The following EIF3F variants were observed in gnomAD, a reference collection of about 807,000 sequenced individuals.
EIF3F encodes the protein eukaryotic translation initiation factor 3 subunit F.
A neutral mutation model predicts 36.0 loss-of-function variants in EIF3F; 8 were observed. The observed-to-expected ratio is 0.22, with a 90% confidence interval of 0.13 to 0.40. The LOEUF is 0.40. Ranked by LOEUF, EIF3F falls within the 10% of genes least tolerant of loss-of-function variation. The pLI, the probability that EIF3F is intolerant of heterozygous loss-of-function variation, is 1.00. For missense variants in EIF3F, 430 were observed against 467.6 expected, an observed-to-expected ratio of 0.92 and a Z score of 0.74; for synonymous variants, 184 against 188.5, an observed-to-expected ratio of 0.98 and a Z score of 0.19.
Position 7,987,343 on chromosome 11 carries a change from T to A in EIF3F, c.-10T>A. The A allele has an allele frequency of 2.5e-6, 4 of 1,588,952 alleles. No individual in the cohort carries two copies. Among genetic ancestry groups the A allele is most frequent in the South Asian group, 2.2e-5 (2 of 90,174 alleles). On this transcript the variant is annotated 5_prime_UTR_variant, in exon 1 of 8. Transcript: ENST00000651655. The stretch of plus-strand genomic sequence containing the variant: ...TCATTTCCGCTTCCGCCTCCTTCTT[T>A]CTCGACAAGATGGCCACACCGGCGG...
chr11:7,995,052 A>G lies in EIF3F; in HGVS notation c.816A>G (p.Val272=), dbSNP rs374271988. Residue 272 remains valine, a synonymous_variant, in exon 6 of 8, where the codon GTA becomes GTG. Coordinates refer to ENST00000651655, the MANE Select transcript of EIF3F (RefSeq NM_003754.3). The part of the protein sequence containing the change: ...VIGLSSDLQQ[V]GGASARIQDA... ...GACTCTCAAGTGACTTGCAGCAAGT[A>G]GGAGGGGCATCAGCTCGCATCCAGG... 1.9e-6 allele frequency: 3 copies of G among 1,613,970 alleles called. No homozygotes were observed. Among genetic ancestry groups the G allele is most frequent in the South Asian group, 2.2e-5 (2 of 91,066 alleles).
exon 8 of EIF3F, chr11:8,001,838 TAAAAACATG>T (rs997203359): frequency 7.3e-5 from 11 of 151,320 alleles, no homozygotes; most frequent in East Asian, 7.7e-4. Flanking sequence ...TATAAAAATA[TAAAAACATG>T]AAAAACATGA....
chr11:7,991,053 G>T (rs1183384367), intron 1 of EIF3F, among the ~76,000 whole-genome samples: 1 of 151,804 alleles, frequency 6.6e-6, no homozygotes, highest in African/African-American at 2.4e-5. Context: ...AAATTAGCTG[G>T]GCGTGGTGAT....
chr11:7,999,144 C>T lies in EIF3F; in HGVS notation c.*3122C>T, dbSNP rs996005237. ...AATTAGCCAGGCGTGGTGGCACGCACCTGTAGTCCCAGCTACTTGGGAAGC... is the reference window on the plus strand; with the variant it reads ...AATTAGCCAGGCGTGGTGGCACGCATCTGTAGTCCCAGCTACTTGGGAAGC... On this transcript the variant is annotated 3_prime_UTR_variant, in exon 8 of 8. Coordinates refer to ENST00000651655, the MANE Select transcript of EIF3F (RefSeq NM_003754.3). 1 of 152,166 alleles carries T rather than the reference C, an allele frequency of 6.6e-6. No homozygotes were observed. The highest frequency in any genetic ancestry group is 2.4e-5 in the African/African-American group (1 of 41,402). The allele number at this position is 152,166 out of a possible 1,614,324, so 9.4% of individuals were successfully genotyped here. A position where few individuals can be genotyped will look rare whatever the true frequency, so the allele number is the denominator to read the frequency against.
chr11:7,995,106 A>G lies in EIF3F; in HGVS notation c.870A>G (p.Ala290=). 2 of 1,614,026 alleles carry G rather than the reference A, an allele frequency of 1.2e-6. No homozygotes were observed. The highest frequency in any genetic ancestry group is 1.1e-5 in the South Asian group (1 of 91,072). The change falls in exon 6 of 8, where the codon GCA becomes GCG. Residue 290 remains alanine (A), a synonymous_variant. Coordinates refer to ENST00000651655, the MANE Select transcript of EIF3F (RefSeq NM_003754.3). The stretch of plus-strand genomic sequence containing the variant: ...CCCTGAGTACAGTGTTGCAATATGC[A>G]GAGGATGTACTGGTGAGAGGGGAAA... ...QDALSTVLQY[A]EDVLSGKVSA...
Position 7,998,203 on chromosome 11 carries a change from G to A in EIF3F, c.*2181G>A, listed in dbSNP as rs368367241. The A allele has an allele frequency of 3.3e-5, 5 of 152,166 alleles. No individual in the cohort carries two copies. Among genetic ancestry groups the A allele is most frequent in the African/African-American group, 1.2e-4 (5 of 41,428 alleles). The allele number at this position is 152,166 out of a possible 1,614,324, so 9.4% of individuals were successfully genotyped here. A position where few individuals can be genotyped will look rare whatever the true frequency, so the allele number is the denominator to read the frequency against. On this transcript the variant is annotated 3_prime_UTR_variant, in exon 8 of 8. Coordinates refer to ENST00000651655, the MANE Select transcript of EIF3F (RefSeq NM_003754.3). ...CCATTATTCCCAAGGGAAATACAGG[G>A]TTGGGTTCCTATGAACCTCTGGGCA... is the stretch of plus-strand genomic sequence containing the variant.
chr11:7,997,697 T>C lies in EIF3F; in HGVS notation c.*1675T>C, dbSNP rs1260556176. 6.6e-6 allele frequency: 1 copy of C among 152,202 alleles called. No homozygotes were observed. Among genetic ancestry groups the C allele is most frequent in the African/African-American group, 2.4e-5 (1 of 41,442 alleles). The allele number at this position is 152,202 out of a possible 1,614,324, so 9.4% of individuals were successfully genotyped here. A position where few individuals can be genotyped will look rare whatever the true frequency, so the allele number is the denominator to read the frequency against. ...AATAATGTTGAATGAAAAAAGCTGG[T>C]GTCAGAAGACATGTACATTATGATA... On this transcript the variant is annotated 3_prime_UTR_variant, in exon 8 of 8. Transcript: ENST00000651655.
At chr11:7,994,822 A>G in intron 5 of EIF3F, 160 bp from the exon 6 acceptor site, 1 of 1,053,496 alleles carries the variant, frequency 9.5e-7, no homozygotes, top group Non-Finnish European at 1.4e-6. Context: ...AAAGCTGATA[A>G]GGGCACAGCA....
At position 7,999,458 on chromosome 11, in the gene EIF3F, A is replaced by G. The variant is rs977138687; in HGVS notation, c.*3436A>G. On this transcript the variant is annotated 3_prime_UTR_variant, in exon 8 of 8. Transcript: ENST00000651655. ...TTCCCTGTTAAACTACATATTTGTCATAATTACAATAAAATACAAAGAGCT... is the reference window on the plus strand; with the variant it reads ...TTCCCTGTTAAACTACATATTTGTCGTAATTACAATAAAATACAAAGAGCT... The G allele has an allele frequency of 6.6e-6, 1 of 152,364 alleles. No homozygotes were observed. Among genetic ancestry groups the G allele is most frequent in the East Asian group, 1.9e-4 (1 of 5,190 alleles). The allele number at this position is 152,364 out of a possible 1,614,324, so 9.4% of individuals were successfully genotyped here.
chr11:7,990,865 GAATAAATAAATAAATAAATA>G (rs58906269), intron 1 of EIF3F, among the ~76,000 whole-genome samples: 1 of 136,594 alleles, frequency 7.3e-6, no homozygotes, highest in African/African-American at 2.6e-5. Context: ...AATGTAGTGG[GAATAAATAAATAAATAAATA>G]AATAAATAAA....
At position 7,991,976 on chromosome 11, in the gene EIF3F, G is replaced by T. The variant is rs545799816; in HGVS notation, c.436-108G>T. 8 of 1,488,574 alleles carry T rather than the reference G, an allele frequency of 5.4e-6. No homozygotes were observed. In the South Asian group the frequency reaches 9.1e-5, roughly 17 times the overall value. The allele number at this position is 1,488,574 out of a possible 1,614,324, so 92.2% of individuals were successfully genotyped here. A position where few individuals can be genotyped will look rare whatever the true frequency, so the allele number is the denominator to read the frequency against. On this transcript the variant is annotated intron_variant, in intron 2 of 7. Transcript: ENST00000651655. ...CCAAGGAGCTTCTTCCCATTTGTACGTACTTCCTGGGCCTCTTCTGTTTAT... is the reference window on the plus strand; with the variant it reads ...CCAAGGAGCTTCTTCCCATTTGTACTTACTTCCTGGGCCTCTTCTGTTTAT...
rs969184657 is a variant in EIF3F at position 7,998,948 on chromosome 11, CAA to C, written c.*2927_*2928del. On this transcript the variant is annotated 3_prime_UTR_variant, in exon 8 of 8. Transcript: ENST00000651655. ...AGACTTATTAGCCATTGTATTTAAA[CAA>C]GAGGAAATAGAGACATTGAAGATAA... The C allele has an allele frequency of 3.3e-5, 5 of 152,004 alleles. No individual in the cohort carries two copies. Among genetic ancestry groups the C allele is most frequent in the African/African-American group, 9.7e-5 (4 of 41,382 alleles). 9.4% of individuals were successfully genotyped at this position (152,004 alleles called of 1,614,324 possible). A position where few individuals can be genotyped will look rare whatever the true frequency, so the allele number is the denominator to read the frequency against.
At position 7,992,725 on chromosome 11, in the gene EIF3F, T is replaced by C. The variant is rs1343363048; in HGVS notation, c.516-162T>C. Reference sequence around the variant, plus strand: ...TCAGCACTAAGTCAGCCTTTGATTTTATTTGACATAGTTTTCGGTGTGTGT... The same window carrying C: ...TCAGCACTAAGTCAGCCTTTGATTTCATTTGACATAGTTTTCGGTGTGTGT... On this transcript the variant is annotated intron_variant, in intron 3 of 7. Transcript: ENST00000651655. The C allele has an allele frequency of 4.6e-6, 4 of 860,746 alleles. No homozygotes were observed. The East Asian group carries it at 7.6e-5, about 16-fold the overall frequency. The allele number at this position is 860,746 out of a possible 1,614,324, so 53.3% of individuals were successfully genotyped here. A position where few individuals can be genotyped will look rare whatever the true frequency, so the allele number is the denominator to read the frequency against.
intron 1 of EIF3F, among the ~76,000 whole-genome samples, chr11:7,991,031 G>T (rs1312269718): frequency 6.6e-6 from 1 of 151,574 alleles, no homozygotes; most frequent in Non-Finnish European, 1.5e-5. Context: ...CCCGTCTCTA[G>T]TAAAAATACA....
intron 4 of EIF3F, among the ~76,000 whole-genome samples, chr11:7,994,222 A>G (rs1942135567): frequency 6.6e-6 from 1 of 152,192 alleles, no homozygotes; most frequent in South Asian, 2.1e-4. Flanking sequence ...GGCCCCCCTT[A>G]CAGATCAAGG....
chr11:7,994,677 G>A (rs1942141313), intron 5 of EIF3F, 160 bp downstream of exon 5: 2 of 727,740 alleles, frequency 2.7e-6, no homozygotes, highest in South Asian at 1.9e-5. Flanking sequence ...TGTATAAATG[G>A]GATTTAAGGA....
chr11:8,001,652 AAAAT>A lies in EIF3F; in HGVS notation c.*5637_*5640del, dbSNP rs1367467943. On this transcript the variant is annotated 3_prime_UTR_variant, in exon 8 of 8. Transcript: ENST00000651655. ...ATAATATGCTGTTGTTGTGTACGGGAAAATAAATAATATAAATACCTAGAATATT... is the reference window on the plus strand; with the variant it reads ...ATAATATGCTGTTGTTGTGTACGGGAAAATAATATAAATACCTAGAATATT... 6.6e-6 allele frequency: 1 copy of A among 152,210 alleles called. No homozygotes were observed. Among genetic ancestry groups the A allele is most frequent in the Non-Finnish European group, 1.5e-5 (1 of 68,048 alleles). The allele number at this position is 152,210 out of a possible 1,614,324, so 9.4% of individuals were successfully genotyped here. A position where few individuals can be genotyped will look rare whatever the true frequency, so the allele number is the denominator to read the frequency against.
chr11:7,991,653 T>A, intron 1 of EIF3F, 128 bp from the exon 2 acceptor site: 1 of 905,358 alleles, frequency 1.1e-6, no homozygotes, highest in Admixed American at 1.8e-5. Context: ...CGGACTAAAC[T>A]TGGAGCTAAT....
In EIF3F at chr11:7,998,390, T is replaced by A. The variant is rs566691586; in HGVS notation, c.*2368T>A. ...TCCAGGCGGCACATCACAGTCTTCT[T>A]GCACTTAGGAACACTTGGCACTGTG... On this transcript the variant is annotated 3_prime_UTR_variant, in exon 8 of 8. Coordinates refer to ENST00000651655, the MANE Select transcript of EIF3F (RefSeq NM_003754.3). 6.6e-6 allele frequency: 1 copy of A among 152,326 alleles called. No individual in the cohort carries two copies. Among genetic ancestry groups the A allele is most frequent in the East Asian group, 1.9e-4 (1 of 5,182 alleles). 9.4% of individuals were successfully genotyped at this position (152,326 alleles called of 1,614,324 possible). A position where few individuals can be genotyped will look rare whatever the true frequency, so the allele number is the denominator to read the frequency against.
Sources: gnomAD v4.1 joint callset for allele counts (sites outside exome capture counted in the v4.1 genomes callset) on GRCh38, gnomAD v4.1.1 for gene constraint, MANE v1.5 for transcripts, NCBI Gene and HGNC (gene_info 2026-07-23, HGNC 2026-07-21) for gene names.